TRPV3: variants seen among roughly 807,000 people sequenced by gnomAD.
The protein encoded by TRPV3 is transient receptor potential cation channel subfamily V member 3, also known as VRL-3.
A neutral mutation model predicts 87.1 loss-of-function variants in TRPV3; 88 were observed. The observed-to-expected ratio is 1.01, with a 90% CI of 0.85 to 1.21. The LOEUF is 1.21. Ranked by LOEUF, TRPV3 falls within the 50% of genes most tolerant of loss-of-function variation. TRPV3 has a pLI of 0.00. For synonymous variants in TRPV3, 438 were observed against 423.3 expected (o/e 1.03, Z -0.43); for missense variants, 1,054 against 1,030.1 (o/e 1.02, Z -0.32).
chr17:3,533,385 C>T (rs101476), intron 7 of TRPV3, among the ~76,000 whole-genome samples: 90,243 of 152,066 alleles, frequency 0.59, 27,359 homozygotes, highest in East Asian at 0.79. Context: ...TCACCTCCTT[C>T]AAGTCCTTGC....
chr17:3,545,718 G>A (rs2074517420), intron 2 of TRPV3, among the ~76,000 whole-genome samples: 2 of 151,358 alleles, frequency 1.3e-5, no homozygotes, highest in Admixed American at 6.6e-5. Flanking sequence ...GGGTGCAGGG[G>A]CTATTATCCC....
chr17:3,527,275 CTGTAATGACCT>C (rs546948182), intron 11 of TRPV3, among the ~76,000 whole-genome samples: 20 of 152,294 alleles, frequency 1.3e-4, no homozygotes, highest in African/African-American at 4.3e-4. Context: ...CATATCCACC[CTGTAATGACCT>C]TGTCCTCATC....
At chr17:3,529,958 C>G (rs755873985) in intron 9 of TRPV3, 69 bp downstream of exon 9, 1 of 1,527,902 alleles carries the variant, frequency 6.5e-7, no homozygotes, top group African/African-American at 1.4e-5. Flanking sequence ...TTCCCAGCGT[C>G]CTCTCAGCCC....
At chr17:3,516,620 C>T in intron 15 of TRPV3, 51 bp from the exon 16 acceptor site, 2 of 1,286,398 alleles carry the variant, frequency 1.6e-6, no homozygotes, top group South Asian at 1.2e-5. Context: ...CACAAGCACA[C>T]ACAAGGGCAC....
At chr17:3,540,765 G>A (rs1181025275) in intron 6 of TRPV3, among the ~76,000 whole-genome samples, 1 of 152,214 alleles carries the variant, frequency 6.6e-6, no homozygotes, top group Non-Finnish European at 1.5e-5. Context: ...GCACTGGCCT[G>A]AACCTCCCTG....
Position 3,524,233 on chromosome 17 carries a change from G to A in TRPV3, c.1708C>T (p.Gln570Ter), listed in dbSNP as rs759532021. Residue 570 changes from glutamine to a stop codon, truncating the protein, a stop_gained, in exon 13 of 18, where the codon CAG becomes TAG. Coordinates refer to ENST00000576742, the MANE Select transcript of TRPV3 (RefSeq NM_145068.4). LOFTEE classifies it high-confidence loss of function. ...ATGACGCTGTACATGCCCATGGACT[G>A]GAAACCCCGCGTATAGTAGAGCATG... is the stretch of plus-strand genomic sequence containing the variant. The part of the protein sequence containing the change: ...ANMLYYTRGF[Q>*]SMGMYSVMIQ... 20 of 1,614,240 alleles carry A rather than the reference G, an allele frequency of 1.2e-5. No individual in the cohort carries two copies. Among genetic ancestry groups the A allele is most frequent in the Admixed American group, 3.3e-5 (2 of 60,020 alleles).
At chr17:3,514,336 C>T in intron 17 of TRPV3, 1 of 536,334 alleles carries the variant, frequency 1.9e-6, no homozygotes, top group South Asian at 2.3e-5. Context: ...GACTCGTCCT[C>T]CCAAAGTGCT....
chr17:3,514,500 G>T, intron 17 of TRPV3, 93 bp downstream of exon 17: 1 of 868,876 alleles, frequency 1.2e-6, no homozygotes, highest in Non-Finnish European at 1.9e-6. Flanking sequence ...CCATTTGACA[G>T]ATGGGGAAAG....
chr17:3,528,023 A>C lies in TRPV3; in HGVS notation c.1503+2T>G. The C allele has an allele frequency of 6.2e-7, 1 of 1,612,650 alleles. No individual in the cohort carries two copies. Among genetic ancestry groups the C allele is most frequent in the Non-Finnish European group, 8.5e-7 (1 of 1,179,422 alleles). ...TCTGGAAGGGCCGGGTGGCCCACTT[A>C]CCTCTTTCACAGAGATGCACATGGC... On this transcript the variant is annotated splice_donor_variant, in intron 11 of 17. Coordinates refer to ENST00000576742, the MANE Select transcript of TRPV3 (RefSeq NM_145068.4). LOFTEE classifies it high-confidence loss of function. This position sits in a 1 kb window ranked among gnomAD's most constrained non-coding sequence, Gnocchi z 4.2.
Sources: allele counts gnomAD v4.1 joint callset (sites outside exome capture counted in the v4.1 genomes callset), GRCh38; gene constraint gnomAD v4.1.1; non-coding constraint Gnocchi (gnomAD v3.1); transcripts MANE v1.5; gene names NCBI Gene and HGNC (gene_info 2026-07-23, HGNC 2026-07-21).